The following VRK2 variants were observed in gnomAD, a reference collection of about 807,000 sequenced individuals.
The protein encoded by VRK2 is VRK serine/threonine kinase 2, also known as serine/threonine-protein kinase VRK2.
In VRK2, 60 loss-of-function variants were observed where a neutral mutation model predicts 57.6. The ratio of observed to expected loss-of-function variants is 1.04; its 90% confidence interval spans 0.85 to 1.29. VRK2 has a LOEUF of 1.29. VRK2 is among the 50% of genes most tolerant of loss of function. VRK2 has a pLI of 0.00. For missense variants in VRK2, 705 were observed against 588.1 expected (o/e 1.20, Z -2.06); for synonymous variants, 231 against 199.2 (o/e 1.16, Z -1.35).
chr2:58,016,473 C>T (rs1673587060), intron 1 of VRK2, among the ~76,000 whole-genome samples: 1 of 152,152 alleles, frequency 6.6e-6, no homozygotes, highest in South Asian at 2.1e-4. Context: ...CTGCCTCAGC[C>T]TCCCGAGTAG....
intron 7 of VRK2, among the ~76,000 whole-genome samples, chr2:58,099,440 C>G (rs1445947241): frequency 6.6e-6 from 1 of 152,034 alleles, no homozygotes; most frequent in Non-Finnish European, 1.5e-5. Context: ...CTGAGATATA[C>G]TTCTTTTATA....
chr2:57,908,519 TA>T lies in VRK2; in HGVS notation c.-439+690del, dbSNP rs546937617. The stretch of plus-strand genomic sequence containing the variant: ...TGCATATATAGATGGATGAAAACAT[TA>T]AAAAAAAAACTTGAGCTCCATCATT... On this transcript the variant is annotated intron_variant, in intron 1 of 15. Coordinates refer to the VRK2 transcript ENST00000417641. Among the ~76,000 whole-genome samples the T allele has an allele frequency of 1.0e-3, 154 of 148,226 alleles. 1 individual carries two copies. In the South Asian group the frequency reaches 0.013, roughly 12 times the overall value.
At chr2:57,932,691 G>T (rs1670768284) in intron 1 of VRK2, among the ~76,000 whole-genome samples, 1 of 151,606 alleles carries the variant, frequency 6.6e-6, no homozygotes, top group Non-Finnish European at 1.5e-5. Flanking sequence ...ATTTATTTCT[G>T]CTCTAATCTT....
chr2:57,937,552 A>G (rs1436684751), intron 1 of VRK2, among the ~76,000 whole-genome samples: 2 of 152,228 alleles, frequency 1.3e-5, no homozygotes, highest in African/African-American at 4.8e-5. Context: ...TGGTAATTAT[A>G]TAAATAAATC....
upstream of VRK2, chr2:58,046,428 C>G (rs1674756079): frequency 1.3e-5 from 12 of 942,096 alleles, no homozygotes; most frequent in South Asian, 5.9e-4. Context: ...GGCGAGAGCT[C>G]GGTAAGGACT....
chr2:58,085,128 C>G (rs374392502), intron 4 of VRK2, 178 bp downstream of exon 4: 2 of 174,774 alleles, frequency 1.1e-5, no homozygotes, highest in African/African-American at 4.8e-5. Context: ...CAAATCTTGA[C>G]ATGACATACA....
At chr2:58,079,675 C>T (rs957775134) in intron 2 of VRK2, among the ~76,000 whole-genome samples, 1 of 151,886 alleles carries the variant, frequency 6.6e-6, no homozygotes, top group Non-Finnish European at 1.5e-5. Flanking sequence ...ATGGCAAAAC[C>T]GTGATTACTT....
intron 1 of VRK2, among the ~76,000 whole-genome samples, chr2:57,961,214 C>G (rs1671747798): frequency 6.6e-6 from 1 of 152,158 alleles, no homozygotes; most frequent in South Asian, 2.1e-4. Context: ...AGGATGGTTT[C>G]TCTAAAAAGG....
At chr2:58,084,203 T>A (rs1263433111) in intron 3 of VRK2, 65 bp downstream of exon 3, 4 of 1,507,706 alleles carry the variant, frequency 2.7e-6, no homozygotes, top group African/African-American at 2.8e-5. Flanking sequence ...GCTTTAAGAA[T>A]GTTTTTCACG....
intron 1 of VRK2, among the ~76,000 whole-genome samples, chr2:58,013,451 T>G (rs1673473042): frequency 6.6e-6 from 1 of 152,252 alleles, no homozygotes; most frequent in African/African-American, 2.4e-5. Flanking sequence ...AGTGGTAACT[T>G]TGTAAAGAAC....
intron 2 of VRK2, among the ~76,000 whole-genome samples, chr2:58,059,700 T>C (rs985805440): frequency 4.0e-5 from 6 of 151,852 alleles, no homozygotes; most frequent in African/African-American, 1.4e-4. Context: ...GATTATTATA[T>C]ACTCAAGGGT....
intron 1 of VRK2, among the ~76,000 whole-genome samples, chr2:57,967,080 C>A (rs954302826): frequency 2.6e-5 from 4 of 152,034 alleles, no homozygotes; most frequent in Admixed American, 2.6e-4. Flanking sequence ...GTTATATCCT[C>A]AATTTGTTCA....
intron 1 of VRK2, among the ~76,000 whole-genome samples, chr2:57,929,052 G>C (rs1056813830): frequency 6.6e-6 from 1 of 152,160 alleles, no homozygotes; most frequent in African/African-American, 2.4e-5. Context: ...AATAACCACT[G>C]CCTGGCTACC....
rs545884631 is a variant in VRK2, at chr2:58,077,963, C to T, written c.137-6126C>T. Among the ~76,000 whole-genome samples the T allele has an allele frequency of 1.2e-4, 18 of 152,230 alleles. No homozygotes were observed. In the East Asian group the frequency reaches 3.3e-3, roughly 28 times the overall value. On this transcript the variant is annotated intron_variant, in intron 2 of 12. Coordinates refer to ENST00000340157, the MANE Select transcript of VRK2 (RefSeq NM_006296.7). ...TTTTCTTCTCAGGCCAATGTGATAG[C>T]TTCTTAGCTTGCCCTCTTTCAGAAT...
intron 2 of VRK2, 34 bp from the exon 3 acceptor site, chr2:58,084,053 CTA>C: frequency 6.3e-7 from 1 of 1,599,642 alleles, no homozygotes; most frequent in Non-Finnish European, 8.5e-7. Flanking sequence ...TTGGGAATAA[CTA>C]TTTTTCTCCA....
At chr2:57,981,108 T>C (rs957151671) in intron 1 of VRK2, among the ~76,000 whole-genome samples, 1 of 152,172 alleles carries the variant, frequency 6.6e-6, no homozygotes, top group Non-Finnish European at 1.5e-5. Flanking sequence ...GTAGATTTGA[T>C]TGTATAGTTG....
At chr2:57,977,906 T>G (rs898550136) in intron 1 of VRK2, among the ~76,000 whole-genome samples, 4 of 151,128 alleles carry the variant, frequency 2.6e-5, no homozygotes, top group African/African-American at 4.9e-5. Context: ...ATGACTAGTT[T>G]GTTGAGGGTA....
At position 58,010,514 on chromosome 2, in the gene VRK2, A is replaced by G. The variant is rs542509892; in HGVS notation, c.-438-15151A>G. 3.3e-5 allele frequency among the ~76,000 whole-genome samples: 5 copies of G among 152,140 alleles called. No individual in the cohort carries two copies. The East Asian group carries it at 9.7e-4, about 29-fold the overall frequency. On this transcript the variant is annotated intron_variant, in intron 1 of 15. Coordinates refer to the VRK2 transcript ENST00000417641. ...ACTGTGAATTTCAACCACTCAATGG[A>G]TAAGGGCAACTTAGCCTGTTGGTTA...
intron 1 of VRK2, among the ~76,000 whole-genome samples, chr2:58,014,177 G>A (rs1451004757): frequency 2.0e-5 from 3 of 151,960 alleles, no homozygotes; most frequent in Admixed American, 6.6e-5. Flanking sequence ...GCACCAACTC[G>A]GGAATATATT....
Sources: gnomAD v4.1 joint callset for allele counts (sites outside exome capture counted in the v4.1 genomes callset) on GRCh38, gnomAD v4.1.1 for gene constraint, MANE v1.5 for transcripts, NCBI Gene and HGNC (gene_info 2026-07-23, HGNC 2026-07-21) for gene names.